DIP2C: variants seen among roughly 807,000 people sequenced by gnomAD.
DIP2C encodes disco-interacting protein 2 homolog C.
In DIP2C, 33 loss-of-function variants were observed where a neutral mutation model predicts 192.4. That is an observed-to-expected ratio of 0.17 (90% CI 0.13 to 0.23). DIP2C has a LOEUF of 0.23. DIP2C is among the 10% of genes least tolerant of loss of function. The pLI is 1.00. For synonymous variants in DIP2C, 979 were observed against 864.1 expected (o/e 1.13, Z -2.33); for missense variants, 1,537 against 2,110.1 (o/e 0.73, Z 5.32).
chr10:648,705 A>G (rs867218853), intron 1 of DIP2C, among the ~76,000 whole-genome samples: 159 of 98,278 alleles, frequency 1.6e-3, no homozygotes, highest in East Asian at 2.6e-3. Context: ...ATTGGACGGT[A>G]GGAGAGAACA....
In DIP2C at chr10:363,947, G is replaced by A. The variant is rs1589613871; in HGVS notation, c.2477+427C>T. ...CTTATTTCATCACGGAGCCTCCACT[G>A]TGCACCAGGCAAGGCAGGGAGAAGA... is the stretch of plus-strand genomic sequence containing the variant. On this transcript the variant is annotated intron_variant, in intron 20 of 36. Coordinates refer to ENST00000280886, the MANE Select transcript of DIP2C (RefSeq NM_014974.3). The surrounding 1 kb of genome is among the most constrained non-coding windows in gnomAD (Gnocchi z 5.4). Among the ~76,000 whole-genome samples the A allele has an allele frequency of 6.6e-6, 1 of 152,266 alleles. No homozygotes were observed. The highest frequency in any genetic ancestry group is 1.9e-4 in the East Asian group (1 of 5,186).
intron 4 of DIP2C, chr10:437,935 A>G (rs1483702337): frequency 1.3e-5 from 2 of 152,252 alleles, no homozygotes; most frequent in African/African-American, 4.8e-5. Context: ...TGCAGCTAAG[A>G]TTTTGTTCAA....
Position 592,366 on chromosome 10 carries a change from G to GA in DIP2C, c.85+97127dup, listed in dbSNP as rs779521266. On this transcript the variant is annotated intron_variant, in intron 1 of 36. Coordinates refer to ENST00000280886, the MANE Select transcript of DIP2C (RefSeq NM_014974.3). ...CACATTATCTTCTACAAAAAATCCT[G>GA]AAAAAAATGAAGGCTGAATAGACAT... Among the ~76,000 whole-genome samples, 16 of 152,072 alleles carry GA rather than the reference G, an allele frequency of 1.1e-4. No homozygotes were observed. In the East Asian group the frequency reaches 1.4e-3, roughly 13 times the overall value.
chr10:283,788 G>C (rs1954960158), intron 34 of DIP2C, among the ~76,000 whole-genome samples: 1 of 152,078 alleles, frequency 6.6e-6, no homozygotes, highest in Non-Finnish European at 1.5e-5. Flanking sequence ...TTTAACGAAT[G>C]ATTATTTCTA....
chr10:354,453 G>T (rs1958976759), intron 24 of DIP2C, among the ~76,000 whole-genome samples: 1 of 152,162 alleles, frequency 6.6e-6, no homozygotes, highest in African/African-American at 2.4e-5. Context: ...GGCACAGCTG[G>T]AACAGCTCTA....
chr10:632,548 C>T (rs1356124550), intron 1 of DIP2C, among the ~76,000 whole-genome samples: 3 of 36,798 alleles, frequency 8.2e-5, no homozygotes, highest in Admixed American at 5.3e-4. Context: ...ACGCGGGCAC[C>T]GGTGTGAACC....
intron 3 of DIP2C, among the ~76,000 whole-genome samples, chr10:448,173 C>T (rs1334758608): frequency 1.8e-4 from 20 of 111,500 alleles, no homozygotes; most frequent in African/African-American, 3.1e-4. Context: ...TCACTCCCGT[C>T]GATACTCAGG....
chr10:546,314 A>G (rs1348870762), intron 1 of DIP2C, among the ~76,000 whole-genome samples: 2 of 152,062 alleles, frequency 1.3e-5, no homozygotes. Flanking sequence ...TTATTTTAAA[A>G]TAATAAAGTC....
chr10:689,445 G>A lies in DIP2C; in HGVS notation c.85+49C>T. On this transcript the variant is annotated intron_variant, in intron 1 of 36. Transcript: ENST00000280886. This position sits in a 1 kb window ranked among gnomAD's most constrained non-coding sequence, Gnocchi z 6.1. ...CCGCGCCCCCAGCCCTCCGCGCGCG[G>A]CCCTCCCCGGTGACAGCGCGGCCCG... is the stretch of plus-strand genomic sequence containing the variant. 9.5e-7 allele frequency: 1 copy of A among 1,050,062 alleles called. No individual in the cohort carries two copies. The highest frequency in any genetic ancestry group is 1.2e-6 in the Non-Finnish European group (1 of 868,146). The allele number at this position is 1,050,062 out of a possible 1,614,324, so 65.0% of individuals were successfully genotyped here. A position where few individuals can be genotyped will look rare whatever the true frequency, so the allele number is the denominator to read the frequency against.
At position 283,452 on chromosome 10, in the gene DIP2C, A is replaced by G. The variant is rs368335581; in HGVS notation, c.4120-6T>C. On this transcript the variant is annotated splice_polypyrimidine_tract_variant and splice_region_variant and intron_variant, in intron 34 of 36. Coordinates refer to ENST00000280886, the MANE Select transcript of DIP2C (RefSeq NM_014974.3). ...TGGGCACTGTGAACCCAAATCTGCA[A>G]ACGGAGGGAAATGTCACTGTGGATG... is the stretch of plus-strand genomic sequence containing the variant. The G allele has an allele frequency of 2.1e-4, 333 of 1,613,884 alleles. 1 individual carries two copies. The highest frequency in any genetic ancestry group is 4.8e-4 in the Admixed American group (29 of 59,970).
chr10:585,816 A>G (rs890679128), intron 1 of DIP2C, among the ~76,000 whole-genome samples: 1 of 152,204 alleles, frequency 6.6e-6, no homozygotes, highest in Non-Finnish European at 1.5e-5. Context: ...CACTAGTTAC[A>G]TGACCCAAAG....
chr10:311,524 G>C (rs1244297993), intron 31 of DIP2C: 1 of 1,232,376 alleles, frequency 8.1e-7, no homozygotes, highest in Admixed American at 4.2e-5. Context: ...TGATGGACAG[G>C]AAAGTCCCCT....
At chr10:575,865 T>A (rs1339785087) in intron 1 of DIP2C, among the ~76,000 whole-genome samples, 2 of 152,108 alleles carry the variant, frequency 1.3e-5, no homozygotes, top group Non-Finnish European at 2.9e-5. Context: ...CGTGCAACAA[T>A]GAGAAACAAT....
intron 1 of DIP2C, among the ~76,000 whole-genome samples, chr10:574,768 T>TA (rs766027191): frequency 3.2e-4 from 48 of 152,336 alleles, no homozygotes; most frequent in African/African-American, 6.0e-4. Context: ...ATGCTGCCAC[T>TA]ATCTTCAATG....
rs1003206041 is a variant in DIP2C, at chr10:376,285, C to T, written c.1991+6362G>A. On this transcript the variant is annotated intron_variant, in intron 17 of 36. Transcript: ENST00000280886. ...AGCCGGCAGGGAGAAGGACCCAGGC[C>T]CACCTCGGCCCCCGACGGAGCCGGC... Among the ~76,000 whole-genome samples, 5 of 140,402 alleles carry T rather than the reference C, an allele frequency of 3.6e-5. No individual in the cohort carries two copies. In the Admixed American group the frequency reaches 3.6e-4, roughly 10 times the overall value. The allele number at this position is 140,402 out of a possible 152,430, so 92.1% of individuals were successfully genotyped here.
intron 1 of DIP2C, among the ~76,000 whole-genome samples, chr10:642,194 G>T (rs1318359143): frequency 6.6e-6 from 1 of 152,192 alleles, no homozygotes; most frequent in Admixed American, 6.5e-5. Context: ...TGCCCTTTCA[G>T]ATCCTGGCCT....
At chr10:408,110 G>A (rs1964936249) in intron 9 of DIP2C, among the ~76,000 whole-genome samples, 1 of 150,440 alleles carries the variant, frequency 6.6e-6, no homozygotes, top group South Asian at 2.1e-4. Context: ...CATTTTGAAT[G>A]AATTTTTTGC....
At chr10:499,595 C>G (rs1296953695) in intron 1 of DIP2C, among the ~76,000 whole-genome samples, 2 of 152,138 alleles carry the variant, frequency 1.3e-5, no homozygotes, top group Non-Finnish European at 2.9e-5. Context: ...CAGCCAAGGG[C>G]TGGTGGCTGC....
chr10:327,236 G>T, intron 30 of DIP2C, 60 bp from the exon 31 acceptor site: 1 of 1,555,868 alleles, frequency 6.4e-7, no homozygotes, highest in East Asian at 2.3e-5. Flanking sequence ...GAGTGAGCCA[G>T]AGACTCCTTC....
Sources: gnomAD v4.1 joint callset for allele counts (sites outside exome capture counted in the v4.1 genomes callset) on GRCh38, gnomAD v4.1.1 for gene constraint, Gnocchi (gnomAD v3.1) non-coding constraint, MANE v1.5 for transcripts, NCBI Gene and HGNC (gene_info 2026-07-23, HGNC 2026-07-21) for gene names.